Variants in GABRA2 observed in about 807,000 individuals in gnomAD.
The protein encoded by GABRA2 is gamma-aminobutyric acid type A receptor subunit alpha2, also known as gamma-aminobutyric acid receptor subunit alpha-2.
A neutral mutation model predicts 48.7 loss-of-function variants in GABRA2; 16 were observed. The observed-to-expected ratio is 0.33, with a 90% CI of 0.22 to 0.50. The LOEUF (loss-of-function observed/expected upper bound fraction) is 0.50, where lower values mean the gene tolerates loss of function less well. Ranked by LOEUF, GABRA2 falls within the 20% of genes least tolerant of loss-of-function variation. GABRA2 has a pLI of 0.98. For synonymous variants in GABRA2, 185 were observed against 184.5 expected (o/e 1.00, Z -0.02); for missense variants, 275 against 535.6 (o/e 0.51, Z 4.80).
intron 8 of GABRA2, among the ~76,000 whole-genome samples, chr4:46,276,879 AT>A (rs1477710333): frequency 5.9e-5 from 9 of 152,134 alleles, no homozygotes; most frequent in African/African-American, 2.2e-4. Context: ...TATTAAATAA[AT>A]GCTACTTTTA....
intron 8 of GABRA2, among the ~76,000 whole-genome samples, chr4:46,262,872 G>A (rs1179210383): frequency 6.6e-6 from 1 of 151,186 alleles, no homozygotes; most frequent in South Asian, 2.1e-4. Context: ...ACTCCAGCCT[G>A]GGCGACAGAG....
intron 4 of GABRA2, among the ~76,000 whole-genome samples, chr4:46,322,500 G>A (rs766056487): frequency 6.6e-6 from 1 of 151,754 alleles, no homozygotes; most frequent in Non-Finnish European, 1.5e-5. Flanking sequence ...CCACAATAAT[G>A]ACATAAGTAT....
intron 4 of GABRA2, among the ~76,000 whole-genome samples, chr4:46,324,399 A>G (rs1729970140): frequency 6.6e-6 from 1 of 151,918 alleles, no homozygotes; most frequent in South Asian, 2.1e-4. Flanking sequence ...TAGTAGCAAC[A>G]GTGGATAATA....
chr4:46,347,687 G>C (rs1396034417), intron 3 of GABRA2, among the ~76,000 whole-genome samples: 1 of 151,852 alleles, frequency 6.6e-6, no homozygotes, highest in Non-Finnish European at 1.5e-5. Flanking sequence ...TCTGGGCTAT[G>C]ATTTGTTGGA....
At chr4:46,327,520 G>C (rs577710165) in intron 4 of GABRA2, among the ~76,000 whole-genome samples, 45 of 151,892 alleles carry the variant, frequency 3.0e-4, no homozygotes, top group Admixed American at 9.9e-4. Context: ...ATTTACTTTT[G>C]ATACAAAGGG....
At chr4:46,377,733 G>A (rs1454347010) in intron 3 of GABRA2, among the ~76,000 whole-genome samples, 2 of 144,358 alleles carry the variant, frequency 1.4e-5, no homozygotes, top group South Asian at 2.2e-4. Context: ...GGGAGGTGGG[G>A]GGGGTCAGCC....
intron 3 of GABRA2, among the ~76,000 whole-genome samples, chr4:46,383,719 A>G (rs1375052682): frequency 2.6e-5 from 4 of 152,200 alleles, no homozygotes; most frequent in African/African-American, 4.8e-5. Context: ...GATCTTTACT[A>G]AAAAGAACTG....
At position 46,287,585 on chromosome 4, in the gene GABRA2, C is replaced by G. The variant is rs1227143653; in HGVS notation, c.856+15875G>C. 3.8e-5 allele frequency among the ~76,000 whole-genome samples: 5 copies of G among 132,754 alleles called. No homozygotes were observed. In the South Asian group the frequency reaches 1.2e-3, roughly 32 times the overall value. The allele number at this position is 132,754 out of a possible 152,430, so 87.1% of individuals were successfully genotyped here. On this transcript the variant is annotated intron_variant, in intron 8 of 9. Transcript: ENST00000381620. ...ATAGGTGGGAATTGAACAATGAGAT[C>G]ACATGGACACAGGAAGGGGAACATC... is the stretch of plus-strand genomic sequence containing the variant.
intron 3 of GABRA2, among the ~76,000 whole-genome samples, chr4:46,345,061 A>G (rs1341956370): frequency 6.6e-6 from 1 of 151,780 alleles, no homozygotes; most frequent in African/African-American, 2.4e-5. Context: ...AGTTTCCCCT[A>G]TGCTGTTCTC....
chr4:46,331,975 A>G (rs1731435957), intron 4 of GABRA2, among the ~76,000 whole-genome samples: 1 of 152,066 alleles, frequency 6.6e-6, no homozygotes, highest in African/African-American at 2.4e-5. Flanking sequence ...CTCCCACCTC[A>G]GCCTCCCAAA....
intron 8 of GABRA2, among the ~76,000 whole-genome samples, chr4:46,265,495 T>TA (rs1331041355): frequency 1.8e-4 from 27 of 146,178 alleles, no homozygotes; most frequent in South Asian, 4.2e-4. Context: ...ATTATATATA[T>TA]ATATATATGT....
intron 8 of GABRA2, among the ~76,000 whole-genome samples, chr4:46,294,037 C>G (rs968204754): frequency 2.6e-5 from 4 of 152,228 alleles, no homozygotes; most frequent in Non-Finnish European, 5.9e-5. Context: ...TTTCTCCATT[C>G]TTGTCCATAA....
intron 3 of GABRA2, among the ~76,000 whole-genome samples, chr4:46,336,785 T>C: frequency 6.6e-6 from 1 of 152,150 alleles, no homozygotes; most frequent in Admixed American, 6.6e-5. Flanking sequence ...AAATTAATCC[T>C]AATCAATTTT....
Position 46,327,478 on chromosome 4 carries a change from C to T in GABRA2, c.255+5137G>A, listed in dbSNP as rs183441498. Among the ~76,000 whole-genome samples the T allele has an allele frequency of 3.3e-5, 5 of 152,128 alleles. No individual in the cohort carries two copies. In the East Asian group the frequency reaches 9.7e-4, roughly 29 times the overall value. On this transcript the variant is annotated intron_variant, in intron 4 of 9. Transcript: ENST00000381620. ...ATAACCTTACAGCAACCAGCTTCTA[C>T]ATGCTGGCTTTAAAGGGAGTAAACA... is the stretch of plus-strand genomic sequence containing the variant.
chr4:46,279,283 T>C (rs1721066228), intron 8 of GABRA2, among the ~76,000 whole-genome samples: 2 of 152,166 alleles, frequency 1.3e-5, no homozygotes, highest in South Asian at 2.1e-4. Flanking sequence ...TCCCGTTGAA[T>C]TGATGAATGT....
At chr4:46,278,329 T>C (rs1448705233) in intron 8 of GABRA2, among the ~76,000 whole-genome samples, 1 of 152,126 alleles carries the variant, frequency 6.6e-6, no homozygotes, top group East Asian at 1.9e-4. Flanking sequence ...AGGATCCCTA[T>C]GGGGTAGATA....
At chr4:46,388,557 A>G (rs1380293622) in intron 2 of GABRA2, 79 bp downstream of exon 2, 2 of 1,530,840 alleles carry the variant, frequency 1.3e-6, no homozygotes. Context: ...AACACCCTTG[A>G]TTTTCAAAAG....
intron 8 of GABRA2, among the ~76,000 whole-genome samples, chr4:46,296,650 CA>C (rs1345226990): frequency 3.3e-5 from 3 of 90,538 alleles, no homozygotes; most frequent in African/African-American, 1.5e-4. Flanking sequence ...ATTACTCTAT[CA>C]GGGGGAAAAA....
chr4:46,253,091 T>C (rs926698720), intron 9 of GABRA2, among the ~76,000 whole-genome samples: 2 of 151,486 alleles, frequency 1.3e-5, no homozygotes, highest in African/African-American at 4.8e-5. Context: ...GAAAGTTTGA[T>C]GGAAGTAGGA....
Sources: allele counts gnomAD v4.1 joint callset (sites outside exome capture counted in the v4.1 genomes callset), GRCh38; gene constraint gnomAD v4.1.1; transcripts MANE v1.5; gene names NCBI Gene and HGNC (gene_info 2026-07-23, HGNC 2026-07-21).